Variants in HOXC4 observed in about 807,000 individuals in gnomAD.
The protein encoded by HOXC4 is homeobox C4.
A neutral mutation model predicts 25.5 loss-of-function variants in HOXC4; 15 were observed. The ratio of observed to expected loss-of-function variants is 0.59; its 90% CI spans 0.39 to 0.91. HOXC4 has a LOEUF of 0.91. Among genes scored for constraint, HOXC4 ranks in the 40% least tolerant of loss-of-function variants. The pLI, the probability that HOXC4 is intolerant of heterozygous loss-of-function variation, is 0.00. For missense variants in HOXC4, 342 were observed against 352.4 expected, an observed-to-expected ratio of 0.97 and a Z score of 0.24; for synonymous variants, 165 against 148.0, an observed-to-expected ratio of 1.11 and a Z score of -0.83.
chr12:54,051,251 T>C (rs1050346542), upstream of HOXC4, among the ~76,000 whole-genome samples: 4 of 151,476 alleles, frequency 2.6e-5, no homozygotes, highest in Admixed American at 2.0e-4. Context: ...GCCGGGAAGG[T>C]TTCCTCCCTC....
At chr12:54,040,843 G>T (rs1055906322) in intron 1 of HOXC4, among the ~76,000 whole-genome samples, 1 of 152,178 alleles carries the variant, frequency 6.6e-6, no homozygotes, top group East Asian at 1.9e-4. Context: ...AGCTTTATCA[G>T]ACTGCCTCAG....
At chr12:54,053,446 AC>A (rs1335707734), upstream of HOXC4, 3 of 162,116 alleles carry the variant, frequency 1.9e-5, no homozygotes, top group Non-Finnish European at 4.0e-5. Flanking sequence ...CGTGACCTAC[AC>A]AGACTGAGAC....
chr12:54,032,765 G>C (rs980700512), intron 1 of HOXC4: 1 of 170,670 alleles, frequency 5.9e-6, no homozygotes, highest in African/African-American at 2.4e-5. Flanking sequence ...CTGTGGGCTT[G>C]TTGTCCCGGC....
intron 1 of HOXC4, among the ~76,000 whole-genome samples, chr12:54,017,655 G>A (rs1184914723): frequency 1.3e-5 from 2 of 152,112 alleles, no homozygotes; most frequent in Non-Finnish European, 2.9e-5. Flanking sequence ...TTGGGGGTGG[G>A]GAGGCAAGGG....
intron 1 of HOXC4, among the ~76,000 whole-genome samples, chr12:54,036,614 G>T (rs1269112975): frequency 6.6e-6 from 1 of 152,094 alleles, no homozygotes; most frequent in Non-Finnish European, 1.5e-5. Flanking sequence ...CTGCACTCAG[G>T]CCAGGTTAGG....
intron 1 of HOXC4, among the ~76,000 whole-genome samples, chr12:54,039,877 C>T (rs1032640693): frequency 3.9e-5 from 6 of 152,104 alleles, no homozygotes; most frequent in African/African-American, 1.4e-4. Flanking sequence ...AGTCCCATTC[C>T]CTTCCTCTCT....
chr12:54,029,051 G>C, intron 1 of HOXC4: 1 of 895,632 alleles, frequency 1.1e-6, no homozygotes, highest in Non-Finnish European at 1.7e-6. Flanking sequence ...TCCTCACCGA[G>C]ACAGGGCCCC....
At chr12:54,038,726 G>T (rs1941226626) in intron 1 of HOXC4, among the ~76,000 whole-genome samples, 1 of 152,196 alleles carries the variant, frequency 6.6e-6, no homozygotes, top group South Asian at 2.1e-4. Flanking sequence ...GCCCTTGCCT[G>T]AGATAAAACT....
At chr12:54,030,701 G>C (rs1160374878) in intron 1 of HOXC4, 1 of 152,648 alleles carries the variant, frequency 6.6e-6, no homozygotes, top group South Asian at 2.1e-4. Flanking sequence ...AATGACGTTT[G>C]TTTAGCCAGT....
intron 1 of HOXC4, among the ~76,000 whole-genome samples, chr12:54,031,751 T>C (rs899847301): frequency 6.6e-6 from 1 of 151,994 alleles, no homozygotes; most frequent in African/African-American, 2.4e-5. Flanking sequence ...GGGGCGGAGA[T>C]TTCCTGGGAA....
chr12:54,023,598 A>G (rs993479448), intron 1 of HOXC4, among the ~76,000 whole-genome samples: 3 of 152,102 alleles, frequency 2.0e-5, no homozygotes, highest in African/African-American at 7.2e-5. Context: ...AACATGCCCA[A>G]TCTGCCCTCT....
At chr12:54,047,444 C>A (rs893401627) in intron 1 of HOXC4, among the ~76,000 whole-genome samples, 9 of 152,330 alleles carry the variant, frequency 5.9e-5, no homozygotes, top group Non-Finnish European at 1.3e-4. Flanking sequence ...CGGACCCAGG[C>A]CGCGAGGTGC....
At chr12:54,040,902 T>C (rs1310488581) in intron 1 of HOXC4, among the ~76,000 whole-genome samples, 1 of 152,224 alleles carries the variant, frequency 6.6e-6, no homozygotes, top group Non-Finnish European at 1.5e-5. Flanking sequence ...AAAGTTCTGA[T>C]TGGTACCTTT....
chr12:54,030,063 G>A, intron 1 of HOXC4: 3 of 1,211,876 alleles, frequency 2.5e-6, no homozygotes, highest in South Asian at 1.7e-5. Flanking sequence ...CAATTGATGT[G>A]TTTTGATTCC....
rs1473149757 is a variant in HOXC4 at position 54,028,319 on chromosome 12, C to G, written c.-124+10905C>G. 3 of 533,304 alleles carry G rather than the reference C, an allele frequency of 5.6e-6. No individual in the cohort carries two copies. The Admixed American group carries it at 9.9e-5, about 18-fold the overall frequency. The allele number at this position is 533,304 out of a possible 1,614,324, so 33.0% of individuals were successfully genotyped here. ...TTTCAAAGCACACACTTAGTCTCAA[C>G]TAGGGAATCAACAGAAGCAGAAGCG... On this transcript the variant is annotated intron_variant, in intron 1 of 3. Transcript: ENST00000303406.
rs1490171150 is a variant in HOXC4 at position 54,054,964 on chromosome 12, G to T, written c.554G>T (p.Arg185Ile). The change falls in exon 2 of 2, where the codon AGA becomes ATA. Residue 185 changes from arginine to isoleucine, a missense_variant. By Grantham distance (97) the Arg-to-Ile change is moderately conservative (BLOSUM62 -3). Coordinates refer to ENST00000430889, the MANE Select transcript of HOXC4 (RefSeq NM_153633.3). The part of the protein sequence containing the change: ...FHYNRYLTRR[R>I]RIEIAHSLCL... ...TACAACCGCTACCTGACCCGAAGGA[G>T]AAGGATCGAGATCGCCCACTCGCTG... is the stretch of plus-strand genomic sequence containing the variant. The T allele has an allele frequency of 1.9e-6, 3 of 1,613,978 alleles. No individual in the cohort carries two copies. The highest frequency in any genetic ancestry group is 1.3e-5 in the African/African-American group (1 of 74,868).
intron 1 of HOXC4, among the ~76,000 whole-genome samples, chr12:54,035,562 G>A (rs1941167382): frequency 6.6e-6 from 1 of 152,206 alleles, no homozygotes; most frequent in Non-Finnish European, 1.5e-5. Context: ...GGGAAGAGAA[G>A]GGCACCTAGG....
intron 1 of HOXC4, among the ~76,000 whole-genome samples, chr12:54,045,192 G>A (rs1195075020): frequency 3.9e-5 from 6 of 152,236 alleles, no homozygotes; most frequent in Admixed American, 3.9e-4. Flanking sequence ...ACAGAGAGCT[G>A]AGCGCTCCCA....
rs1019387642 is a variant in HOXC4 at position 54,034,751 on chromosome 12, G to C, written c.-124+17337G>C. ...CCGGGGCCCAGGGCAAGCTCCGCAG[G>C]ACTTCCCCGGAGGGCTGCGGCGTAC... On this transcript the variant is annotated intron_variant, in intron 1 of 3. Coordinates refer to the HOXC4 transcript ENST00000303406. 60 of 483,630 alleles carry C rather than the reference G, an allele frequency of 1.2e-4. No homozygotes were observed. In the East Asian group the frequency reaches 1.4e-3, roughly 11 times the overall value. The allele number at this position is 483,630 out of a possible 1,614,324, so 30.0% of individuals were successfully genotyped here.
Sources: gnomAD v4.1 joint callset for allele counts (sites outside exome capture counted in the v4.1 genomes callset) on GRCh38, gnomAD v4.1.1 for gene constraint, MANE v1.5 for transcripts, NCBI Gene and HGNC (gene_info 2026-07-23, HGNC 2026-07-21) for gene names.